Variants in FOXP1 observed in about 807,000 individuals in gnomAD.
The protein encoded by FOXP1 is forkhead box protein P1.
Under a neutral mutation model 98.2 loss-of-function variants are expected in FOXP1, and 15 were observed. That is an observed-to-expected ratio of 0.15 (90% confidence interval 0.10 to 0.24). The LOEUF is 0.24. Ranked by LOEUF, FOXP1 falls within the 10% of genes least tolerant of loss-of-function variation. FOXP1 has a pLI of 1.00. For missense variants in FOXP1, 633 were observed against 848.5 expected, an observed-to-expected ratio of 0.75 and a Z score of 3.15; for synonymous variants, 371 against 314.5, an observed-to-expected ratio of 1.18 and a Z score of -1.90.
intron 6 of FOXP1, among the ~76,000 whole-genome samples, chr3:71,186,221 TGTGA>T (rs2062635079): frequency 6.6e-6 from 1 of 152,244 alleles, no homozygotes; most frequent in Admixed American, 6.5e-5. Context: ...CTGTCTGCTC[TGTGA>T]GTGACTCACT....
chr3:71,249,936 G>T (rs567320695), intron 5 of FOXP1, among the ~76,000 whole-genome samples: 1 of 152,156 alleles, frequency 6.6e-6, no homozygotes, highest in Non-Finnish European at 1.5e-5. Context: ...TTTTCTGAAC[G>T]TAATCACAGG....
In FOXP1 at chr3:71,000,145, T is replaced by C. The variant is rs367930263; in HGVS notation, c.1062+827A>G. Among the ~76,000 whole-genome samples the C allele has an allele frequency of 3.3e-5, 5 of 152,234 alleles. No individual in the cohort carries two copies. In the East Asian group the frequency reaches 9.6e-4, roughly 29 times the overall value. On this transcript the variant is annotated intron_variant, in intron 13 of 20. Transcript: ENST00000649528. ...CAAGAATGGAATTATTGTTAAAATA[T>C]GGTAGTTTATCAAGTTATACCCGGA...
chr3:71,268,489 C>A (rs182146286), intron 5 of FOXP1, among the ~76,000 whole-genome samples: 300 of 152,094 alleles, frequency 2.0e-3, no homozygotes, highest in Non-Finnish European at 3.8e-3. Context: ...TAATTAAAAC[C>A]GATCTTCTTC....
At chr3:71,550,264 A>T (rs2045673965) in intron 2 of FOXP1, among the ~76,000 whole-genome samples, 1 of 152,164 alleles carries the variant, frequency 6.6e-6, no homozygotes, top group African/African-American at 2.4e-5. Flanking sequence ...CACATAGCAA[A>T]GCTGGTTGAG....
intron 3 of FOXP1, among the ~76,000 whole-genome samples, chr3:71,387,173 C>T (rs1440932096): frequency 1.3e-5 from 2 of 152,190 alleles, no homozygotes; most frequent in African/African-American, 2.4e-5. Context: ...TCTTTCGACA[C>T]TTTATTCCTA....
chr3:71,470,567 C>T (rs998307525), intron 3 of FOXP1, among the ~76,000 whole-genome samples: 2 of 151,956 alleles, frequency 1.3e-5, no homozygotes, highest in African/African-American at 4.8e-5. Context: ...TGGTGAACCG[C>T]GTCTCCACCA....
At chr3:71,425,916 T>G (rs556590944) in intron 3 of FOXP1, among the ~76,000 whole-genome samples, 1 of 152,170 alleles carries the variant, frequency 6.6e-6, no homozygotes, top group African/African-American at 2.4e-5. Flanking sequence ...CACCCACGTA[T>G]AGCTGAACCA....
intron 5 of FOXP1, among the ~76,000 whole-genome samples, chr3:71,255,988 T>C (rs1005913438): frequency 1.3e-5 from 2 of 152,222 alleles, no homozygotes; most frequent in Non-Finnish European, 2.9e-5. Context: ...TTTACTCTAT[T>C]TCTCTTTTAT....
intron 11 of FOXP1, among the ~76,000 whole-genome samples, chr3:71,030,320 G>T (rs1263149698): frequency 1.3e-5 from 2 of 152,130 alleles, no homozygotes. Flanking sequence ...TCTGCTTCAG[G>T]GCCTTTGCTT....
chr3:71,379,677 G>A (rs1289246548), intron 3 of FOXP1, among the ~76,000 whole-genome samples: 4 of 152,120 alleles, frequency 2.6e-5, no homozygotes, highest in Non-Finnish European at 5.9e-5. Flanking sequence ...TCAAATTGCT[G>A]TGTCCATAAA....
chr3:71,119,297 T>C (rs2058589793), intron 6 of FOXP1, among the ~76,000 whole-genome samples: 1 of 152,214 alleles, frequency 6.6e-6, no homozygotes, highest in South Asian at 2.1e-4. Context: ...AGCATGTGCC[T>C]TATTGGTGGC....
chr3:70,976,905 C>A, intron 17 of FOXP1, 36 bp downstream of exon 17: 1 of 1,454,230 alleles, frequency 6.9e-7, no homozygotes, highest in South Asian at 1.1e-5. Context: ...CTATGAACGT[C>A]AAGATCCAAG....
intron 5 of FOXP1, among the ~76,000 whole-genome samples, chr3:71,251,853 G>A (rs2068215388): frequency 6.6e-6 from 1 of 152,108 alleles, no homozygotes; most frequent in Non-Finnish European, 1.5e-5. Context: ...AACCTCCACT[G>A]GTCAAGTATG....
At chr3:71,249,271 C>T (rs9816060) in intron 5 of FOXP1, among the ~76,000 whole-genome samples, 2,276 of 152,350 alleles carry the variant, frequency 0.015, 57 homozygotes, top group African/African-American at 0.052. Context: ...GCCTTGACTT[C>T]CTCTTCCTGG....
At chr3:70,993,232 T>C (rs2040875064) in intron 13 of FOXP1, among the ~76,000 whole-genome samples, 1 of 152,108 alleles carries the variant, frequency 6.6e-6, no homozygotes, top group South Asian at 2.1e-4. Context: ...CTGGTGTAGA[T>C]GATTTGGGAG....
chr3:71,144,826 G>A (rs1029746083), intron 6 of FOXP1, among the ~76,000 whole-genome samples: 1 of 152,150 alleles, frequency 6.6e-6, no homozygotes. Context: ...GTGCCAACCT[G>A]TTGTAATCAC....
chr3:71,478,510 A>T (rs1328112058), intron 3 of FOXP1, among the ~76,000 whole-genome samples: 1 of 152,244 alleles, frequency 6.6e-6, no homozygotes, highest in African/African-American at 2.4e-5. Flanking sequence ...TTAAAAAAAG[A>T]AGAATGAGAG....
chr3:71,163,072 C>T (rs146635802), intron 6 of FOXP1, among the ~76,000 whole-genome samples: 2 of 152,240 alleles, frequency 1.3e-5, no homozygotes, highest in African/African-American at 4.8e-5. Flanking sequence ...AGAAAGAAAA[C>T]GGACTTTGAG....
intron 6 of FOXP1, among the ~76,000 whole-genome samples, chr3:71,181,790 T>TGA (rs1434393489): frequency 6.6e-6 from 1 of 152,044 alleles, no homozygotes; most frequent in Non-Finnish European, 1.5e-5. Context: ...CCCAACACTT[T>TGA]GAGAGGCTGA....
Sources: gnomAD v4.1 joint callset for allele counts (sites outside exome capture counted in the v4.1 genomes callset) on GRCh38, gnomAD v4.1.1 for gene constraint, MANE v1.5 for transcripts, NCBI Gene and HGNC (gene_info 2026-07-23, HGNC 2026-07-21) for gene names.